Variants in C2CD4D observed in about 807,000 individuals in gnomAD.
C2CD4D encodes the protein C2 calcium-dependent domain-containing protein 4D.
Under a neutral mutation model 0.2 loss-of-function variants are expected in C2CD4D, and 1 was observed. That is an observed-to-expected ratio of 4.00 (90% CI 1.42 to 18.99). The LOEUF is 18.99. Ranked by LOEUF, C2CD4D falls within the 30% of genes most tolerant of loss-of-function variation. The pLI, the probability that C2CD4D is intolerant of heterozygous loss-of-function variation, is 0.11. For synonymous variants in C2CD4D, 269 were observed against 279.8 expected (o/e 0.96, Z 0.39); for missense variants, 552 against 551.2 (o/e 1.00, Z -0.01).
exon 2 of C2CD4D, chr1:151,838,759 G>T (rs1374559939): frequency 8.2e-6 from 11 of 1,342,398 alleles, no homozygotes; most frequent in African/African-American, 3.1e-5. Context: ...AGCAGGTCGC[G>T]GGGAGGCCGC....
At chr1:151,837,861 G>T in exon 2 of C2CD4D, 1 of 1,435,436 alleles carries the variant, frequency 7.0e-7, no homozygotes, top group South Asian at 1.5e-5. Flanking sequence ...AATACAAGCC[G>T]GGCAGGGTGG....
At chr1:151,839,185 T>C in exon 2 of C2CD4D, 1 of 575,286 alleles carries the variant, frequency 1.7e-6, no homozygotes, top group Non-Finnish European at 3.0e-6. Context: ...GACCCCTATT[T>C]GAGCAGAAAA....
chr1:151,838,278 G>C (rs1652640301), exon 2 of C2CD4D: 5 of 1,317,758 alleles, frequency 3.8e-6, no homozygotes, highest in Non-Finnish European at 3.9e-6. Context: ...GCGCTCACTA[G>C]GCGCAGCCGC....
At chr1:151,838,564 C>G (rs1381733899) in exon 2 of C2CD4D, 2 of 1,316,542 alleles carry the variant, frequency 1.5e-6, no homozygotes, top group Non-Finnish European at 1.9e-6. Context: ...GCGACGAGGC[C>G]GTGTCGCTGT....
exon 2 of C2CD4D, chr1:151,837,896 T>A (rs1259938913): frequency 2.0e-6 from 3 of 1,482,008 alleles, no homozygotes; most frequent in African/African-American, 1.4e-5. Context: ...GCAGACACAG[T>A]GGAGACGTCC....
exon 2 of C2CD4D, chr1:151,838,619 C>A (rs1259039929): frequency 7.6e-7 from 1 of 1,315,138 alleles, no homozygotes; most frequent in Non-Finnish European, 9.6e-7. Flanking sequence ...GACGTGCAGC[C>A]GGGACTGCGC....
rs373642491 is a variant in C2CD4D, at chr1:151,838,051, G to A, written c.939C>T (p.Gly313=). 1.7e-3 allele frequency: 2,646 copies of A among 1,551,466 alleles called. 41 individuals are homozygous for A. The South Asian group carries it at 0.023, about 13-fold the overall frequency. The change falls in exon 2 of 2, where the codon GGC becomes GGT. Residue 313 remains glycine, a synonymous_variant. Coordinates refer to ENST00000454109, the Ensembl canonical transcript of C2CD4D. ...GCAGCACATCCCTGCGAAGTCCCGC[G>A]CCCCTGTCTAGCACCTTGGCTCTCA...
intron 1 of C2CD4D, among the ~76,000 whole-genome samples, chr1:151,839,792 G>A (rs1339699104): frequency 6.6e-6 from 1 of 152,110 alleles, no homozygotes; most frequent in East Asian, 1.9e-4. Flanking sequence ...CAGCTCCCGC[G>A]CCTCCCAGCC....
chr1:151,840,392 ACTT>A (rs1348005761), exon 1 of C2CD4D: 1 of 152,290 alleles, frequency 6.6e-6, no homozygotes, highest in Admixed American at 6.5e-5. Context: ...GACAGTGGCC[ACTT>A]CTTTGGTGCT....
exon 2 of C2CD4D, chr1:151,838,936 G>A (rs1652684962): frequency 4.5e-6 from 7 of 1,550,086 alleles, no homozygotes; most frequent in East Asian, 2.5e-5. Context: ...GCGCCCAACG[G>A]GCCGCAGGCT....
chr1:151,838,442 G>A, exon 2 of C2CD4D: 1 of 1,415,126 alleles, frequency 7.1e-7, no homozygotes, highest in South Asian at 1.5e-5. Context: ...GCGGCGCGGC[G>A]AGTGCGGGCT....
exon 2 of C2CD4D, chr1:151,838,509 G>T (rs1402934145): frequency 1.5e-6 from 2 of 1,359,220 alleles, no homozygotes; most frequent in Middle Eastern, 2.4e-4. Flanking sequence ...GACACCCGGC[G>T]CCGGCCCAGG....
chr1:151,837,968 C>T (rs1396702521), exon 2 of C2CD4D: 2 of 1,548,550 alleles, frequency 1.3e-6, no homozygotes, highest in Non-Finnish European at 1.7e-6. Context: ...TGACCCGGGA[C>T]CTAGTCCCCC....
exon 2 of C2CD4D, chr1:151,838,336 G>A (rs1652643242): frequency 2.8e-6 from 4 of 1,413,976 alleles, no homozygotes; most frequent in African/African-American, 3.0e-5. Flanking sequence ...GCAGCTGCCC[G>A]CCGCGGGGCC....
Position 151,838,959 on chromosome 1 carries a change from C to T in C2CD4D, c.31G>A (p.Val11Met), listed in dbSNP as rs771787977. 4.5e-6 allele frequency: 7 copies of T among 1,550,216 alleles called. 1 individual carries two copies. In the South Asian group the frequency reaches 8.3e-5, roughly 18 times the overall value. ...CGGGCCGCAGGCTCCGCGGCCCCCA[C>T]CTTATAGCCAGCTTTTTCCAAGAGC... The change falls in exon 2 of 2, where the codon GTG becomes ATG. Residue 11 changes from valine (V) to methionine (M), a missense_variant. By Grantham distance (21) the Val-to-Met change is conservative. Coordinates refer to ENST00000454109, the Ensembl canonical transcript of C2CD4D.
exon 2 of C2CD4D, chr1:151,838,354 C>T: frequency 1.4e-6 from 2 of 1,429,278 alleles, no homozygotes; most frequent in Non-Finnish European, 1.8e-6. Context: ...GCCCCAGGCG[C>T]AGCACGCTCT....
At chr1:151,837,933 G>A in exon 2 of C2CD4D, 1 of 1,532,598 alleles carries the variant, frequency 6.5e-7, no homozygotes, top group South Asian at 1.2e-5. Flanking sequence ...TCAGGCTACA[G>A]GCTGAGATGG....
exon 2 of C2CD4D, chr1:151,838,452 T>C: frequency 1.4e-6 from 2 of 1,404,872 alleles, no homozygotes; most frequent in South Asian, 3.1e-5. Context: ...GAGTGCGGGC[T>C]GGTATCGGCC....
At chr1:151,838,904 C>G (rs1023886637) in exon 2 of C2CD4D, 4 of 1,547,344 alleles carry the variant, frequency 2.6e-6, no homozygotes, top group Non-Finnish European at 2.6e-6. Context: ...CGGGGCGCGA[C>G]GCTTGGAGAA....
Sources: gnomAD v4.1 joint callset for allele counts (sites outside exome capture counted in the v4.1 genomes callset) on GRCh38, gnomAD v4.1.1 for gene constraint, MANE v1.5 for transcripts, NCBI Gene and HGNC (gene_info 2026-07-23, HGNC 2026-07-21) for gene names.